PSPC1: variants seen among roughly 807,000 people sequenced by gnomAD.
PSPC1 encodes paraspeckle component 1.
In PSPC1, 14 loss-of-function variants were observed where a neutral mutation model predicts 51.6. The ratio of observed to expected loss-of-function variants is 0.27; its 90% confidence interval spans 0.18 to 0.42. The LOEUF (loss-of-function observed/expected upper bound fraction) is 0.42. Among genes scored for constraint, PSPC1 ranks in the 10% least tolerant of loss-of-function variants. PSPC1 has a pLI of 1.00. For missense variants in PSPC1, 406 were observed against 701.1 expected, an observed-to-expected ratio of 0.58 and a Z score of 4.75; for synonymous variants, 193 against 231.9, an observed-to-expected ratio of 0.83 and a Z score of 1.53.
intron 2 of PSPC1, among the ~76,000 whole-genome samples, chr13:19,767,864 T>C (rs1888220731): frequency 1.3e-5 from 2 of 152,106 alleles, no homozygotes; most frequent in Admixed American, 6.6e-5. Flanking sequence ...AAGAAAAAAA[T>C]TGATGAAATT....
intron 6 of PSPC1, among the ~76,000 whole-genome samples, chr13:19,680,570 T>A (rs950732766): frequency 1.3e-5 from 2 of 152,136 alleles, no homozygotes; most frequent in African/African-American, 4.8e-5. Context: ...TTCCTCATTC[T>A]GAAGAACAGC....
intron 7 of PSPC1, among the ~76,000 whole-genome samples, chr13:19,706,636 TATG>T (rs1294306926): frequency 1.3e-5 from 2 of 152,142 alleles, no homozygotes; most frequent in Non-Finnish European, 2.9e-5. Flanking sequence ...ATACTACATA[TATG>T]ATGATCTCAG....
intron 6 of PSPC1, among the ~76,000 whole-genome samples, chr13:19,713,411 T>G (rs922305297): frequency 2.0e-5 from 3 of 151,926 alleles, no homozygotes; most frequent in Non-Finnish European, 4.4e-5. Context: ...AATAACTTAG[T>G]CAAGGTCATA....
intron 4 of PSPC1, among the ~76,000 whole-genome samples, chr13:19,747,377 G>T (rs1165654329): frequency 6.6e-6 from 1 of 152,108 alleles, no homozygotes. Flanking sequence ...TGTCATCCAG[G>T]CTGGAGTACA....
chr13:19,754,282 C>T (rs1404164286), intron 3 of PSPC1, among the ~76,000 whole-genome samples: 1 of 151,632 alleles, frequency 6.6e-6, no homozygotes, highest in Non-Finnish European at 1.5e-5. Flanking sequence ...GACGGGGTTT[C>T]ACCATGTTGG....
chr13:19,739,227 T>G (rs1466462275), intron 5 of PSPC1, among the ~76,000 whole-genome samples: 1 of 152,194 alleles, frequency 6.6e-6, no homozygotes, highest in East Asian at 1.9e-4. Flanking sequence ...AATGTGATGA[T>G]GTTATTCATT....
At chr13:19,720,849 T>C (rs1310120839) in intron 6 of PSPC1, among the ~76,000 whole-genome samples, 2 of 152,108 alleles carry the variant, frequency 1.3e-5, no homozygotes, top group South Asian at 4.1e-4. Flanking sequence ...TTCAGTTACT[T>C]TGAATTGTAA....
Position 19,730,359 on chromosome 13 carries a change from A to G in PSPC1, c.1053-15T>C, listed in dbSNP as rs1883899220. 1.2e-6 allele frequency: 2 copies of G among 1,611,406 alleles called. No homozygotes were observed. Among genetic ancestry groups the G allele is most frequent in the South Asian group, 2.2e-5 (2 of 90,902 alleles). ...CCTCTTCATGTCTGAAAATTTTTCA[A>G]ATAAAAATTTCAGCATCATAACATG... is the stretch of plus-strand genomic sequence containing the variant. On this transcript the variant is annotated splice_polypyrimidine_tract_variant and intron_variant, in intron 5 of 8. Coordinates refer to ENST00000338910, the MANE Select transcript of PSPC1 (RefSeq NM_001354909.2).
chr13:19,779,948 G>A (rs1309463856), intron 1 of PSPC1, among the ~76,000 whole-genome samples: 175 of 131,660 alleles, frequency 1.3e-3, no homozygotes, highest in African/African-American at 3.8e-3. Flanking sequence ...CGCCCCGTCC[G>A]GGAGGGAGGT....
At chr13:19,695,319 A>C (rs1414669152) in intron 6 of PSPC1, among the ~76,000 whole-genome samples, 1 of 152,236 alleles carries the variant, frequency 6.6e-6, no homozygotes, top group Non-Finnish European at 1.5e-5. Flanking sequence ...AACATAAGTT[A>C]AGTACATTCT....
chr13:19,734,468 C>T (rs1406766950), intron 5 of PSPC1, among the ~76,000 whole-genome samples: 2 of 152,190 alleles, frequency 1.3e-5, no homozygotes, highest in Non-Finnish European at 2.9e-5. Context: ...GAGCCCAAGA[C>T]AGAAGAAGGG....
In PSPC1 at chr13:19,705,069, C is replaced by T. The variant is rs573293637; in HGVS notation, c.1386+593G>A. On this transcript the variant is annotated intron_variant, in intron 8 of 8. Coordinates refer to ENST00000338910, the MANE Select transcript of PSPC1 (RefSeq NM_001354909.2). ...AGAACACTATCATAAAATGCTTGAA[C>T]GTTAGAATGCTGGTAAAAGATGGAA... Among the ~76,000 whole-genome samples, 23 of 152,242 alleles carry T rather than the reference C, an allele frequency of 1.5e-4. No homozygotes were observed. In the South Asian group the frequency reaches 4.1e-3, roughly 27 times the overall value.
At chr13:19,746,355 T>C (rs1885980512) in intron 4 of PSPC1, among the ~76,000 whole-genome samples, 2 of 151,790 alleles carry the variant, frequency 1.3e-5, no homozygotes, top group African/African-American at 4.8e-5. Flanking sequence ...CAAGCCGAGA[T>C]TGCGCCACTG....
intron 3 of PSPC1, among the ~76,000 whole-genome samples, chr13:19,754,521 A>C (rs1593718463): frequency 2.8e-5 from 3 of 106,482 alleles, no homozygotes; most frequent in Admixed American, 1.0e-4. Context: ...CACAATCTCC[A>C]CTCCACCTCC....
intron 4 of PSPC1, among the ~76,000 whole-genome samples, chr13:19,746,625 C>T (rs1001494466): frequency 8.6e-5 from 13 of 150,900 alleles, no homozygotes; most frequent in African/African-American, 2.2e-4. Flanking sequence ...CACTTGAACC[C>T]GGGAACCGGA....
Position 19,703,014 on chromosome 13 carries a change from T to C in PSPC1, c.*161A>G. The stretch of plus-strand genomic sequence containing the variant: ...TTACCATTCTAATCTACAAAGCTCA[T>C]GAATAAAGAAAAATACAAAAACCTC... On this transcript the variant is annotated 3_prime_UTR_variant, in exon 9 of 9. Transcript: ENST00000338910. 3.9e-6 allele frequency: 2 copies of C among 517,704 alleles called. No homozygotes were observed. Among genetic ancestry groups the C allele is most frequent in the Non-Finnish European group, 7.1e-6 (2 of 283,394 alleles). The allele number at this position is 517,704 out of a possible 1,614,324, so 32.1% of individuals were successfully genotyped here.
At chr13:19,775,172 A>T (rs1172324359) in intron 1 of PSPC1, among the ~76,000 whole-genome samples, 2 of 152,068 alleles carry the variant, frequency 1.3e-5, no homozygotes, top group Non-Finnish European at 2.9e-5. Flanking sequence ...CCCCGTCTCT[A>T]CTAAAAATAC....
chr13:19,774,276 A>T (rs1888884949), intron 1 of PSPC1, among the ~76,000 whole-genome samples: 1 of 152,180 alleles, frequency 6.6e-6, no homozygotes, highest in Non-Finnish European at 1.5e-5. Flanking sequence ...ACAACTGAAG[A>T]GGCTTTATAT....
At chr13:19,715,948 A>G (rs1316873223) in intron 6 of PSPC1, among the ~76,000 whole-genome samples, 1 of 152,162 alleles carries the variant, frequency 6.6e-6, no homozygotes. Flanking sequence ...CGGGAGGCGG[A>G]GCTTGCAGTG....
Sources: allele counts gnomAD v4.1 joint callset (sites outside exome capture counted in the v4.1 genomes callset), GRCh38; gene constraint gnomAD v4.1.1; transcripts MANE v1.5; gene names NCBI Gene and HGNC (gene_info 2026-07-23, HGNC 2026-07-21).